DAPK1: variants seen among roughly 807,000 people sequenced by gnomAD.
The protein encoded by DAPK1 is death-associated protein kinase 1.
DAPK1 carries 56 observed loss-of-function variants against 144.9 expected under a neutral mutation model. The ratio of observed to expected loss-of-function variants is 0.39; its 90% CI spans 0.31 to 0.48. DAPK1 has a LOEUF of 0.48. Among genes scored for constraint, DAPK1 ranks in the 20% least tolerant of loss-of-function variants. The pLI is 0.95. For synonymous variants in DAPK1, 690 were observed against 749.0 expected (o/e 0.92, Z 1.29); for missense variants, 1,454 against 1,875.4 (o/e 0.78, Z 4.15).
At chr9:87,566,688 A>G (rs1334353820) in intron 2 of DAPK1, among the ~76,000 whole-genome samples, 2 of 152,240 alleles carry the variant, frequency 1.3e-5, no homozygotes, top group African/African-American at 4.8e-5. Flanking sequence ...TAAATATAAA[A>G]ACAAAATGAA....
chr9:87,647,468 C>T, intron 14 of DAPK1, 65 bp downstream of exon 14: 1 of 1,369,132 alleles, frequency 7.3e-7, no homozygotes, highest in Non-Finnish European at 1.0e-6. Context: ...AGTGTGAGTG[C>T]TGGCCTACCG....
chr9:87,675,680 A>G (rs116624111), intron 19 of DAPK1, among the ~76,000 whole-genome samples: 2,550 of 151,992 alleles, frequency 0.017, 61 homozygotes, highest in African/African-American at 0.058. Context: ...GAGGGACCTG[A>G]TAGGAGGTGA....
intron 2 of DAPK1, among the ~76,000 whole-genome samples, chr9:87,518,092 C>A (rs939606731): frequency 7.9e-6 from 1 of 126,104 alleles, no homozygotes; most frequent in African/African-American, 3.0e-5. Context: ...GAATATTTGC[C>A]GTTTATGTTG....
chr9:87,649,940 A>T lies in DAPK1; in HGVS notation c.1448A>T (p.His483Leu). The T allele has an allele frequency of 6.2e-7, 1 of 1,614,130 alleles. No homozygotes were observed. Among genetic ancestry groups the T allele is most frequent in the Non-Finnish European group, 8.5e-7 (1 of 1,180,026 alleles). ...IQDKEEETPLHCAAWHGYYSV... is the reference protein window; with the variant it reads ...IQDKEEETPLLCAAWHGYYSV... ...GGCCAGGAAGAAGAAACCCCCCTGC[A>T]CTGTGCTGCTTGGCACGGCTATTAC... Residue 483 changes from histidine (H) to leucine (L), a missense_variant, in exon 16 of 26, where the codon CAC becomes CTC. His to Leu is a moderately conservative substitution (Grantham distance 99). Around this residue, in one of 2 missense-constraint regions of DAPK1, gnomAD observed 429 missense variants for 637.5 expected, o/e 0.67. Coordinates refer to ENST00000408954, the MANE Select transcript of DAPK1 (RefSeq NM_004938.4).
Position 87,707,854 on chromosome 9 carries a change from G to A in DAPK1, c.*490G>A. The A allele has an allele frequency of 2.2e-6, 1 of 456,756 alleles. No individual in the cohort carries two copies. The highest frequency in any genetic ancestry group is 4.4e-6 in the Non-Finnish European group (1 of 227,054). 28.3% of individuals were successfully genotyped at this position (456,756 alleles called of 1,614,324 possible). On this transcript the variant is annotated 3_prime_UTR_variant, in exon 26 of 26. Coordinates refer to ENST00000408954, the MANE Select transcript of DAPK1 (RefSeq NM_004938.4). The surrounding 1 kb of genome is among the most constrained non-coding windows in gnomAD (Gnocchi z 4.0). ...ATTTGTAGGAGAAACTCCCATGTAT[G>A]GAATCCCACTGTATGATTTATAAAC...
intron 2 of DAPK1, among the ~76,000 whole-genome samples, chr9:87,579,395 G>T (rs547345796): frequency 6.6e-6 from 1 of 152,232 alleles, no homozygotes; most frequent in South Asian, 2.1e-4. Flanking sequence ...TTAACATCTT[G>T]CAGTCATCCT....
At chr9:87,552,016 T>A (rs1428197913) in intron 2 of DAPK1, among the ~76,000 whole-genome samples, 1 of 152,096 alleles carries the variant, frequency 6.6e-6, no homozygotes, top group Non-Finnish European at 1.5e-5. Flanking sequence ...GAGGAGTCCC[T>A]GTGATAACCA....
intron 2 of DAPK1, among the ~76,000 whole-genome samples, chr9:87,545,444 G>A (rs1031162885): frequency 3.9e-5 from 6 of 152,138 alleles, no homozygotes; most frequent in South Asian, 2.1e-4. Flanking sequence ...AATTTTAGGC[G>A]AACATGGAAG....
rs770675366 is a variant in DAPK1, at chr9:87,639,842, CTCTCT to C, written c.629+36_629+40del. 58 of 1,610,568 alleles carry C rather than the reference CTCTCT, an allele frequency of 3.6e-5. 1 individual carries two copies. The highest frequency in any genetic ancestry group is 3.1e-4 in the African/African-American group (23 of 74,816). On this transcript the variant is annotated intron_variant, in intron 7 of 25. Coordinates refer to ENST00000408954, the MANE Select transcript of DAPK1 (RefSeq NM_004938.4). ...TAAGTATCAGAATTCACAACTCATA[CTCTCT>C]TCTCTTCTATGAGACCATAGGTTTA... is the stretch of plus-strand genomic sequence containing the variant.
At chr9:87,649,609 G>A (rs1483982172) in intron 15 of DAPK1, among the ~76,000 whole-genome samples, 3 of 152,188 alleles carry the variant, frequency 2.0e-5, no homozygotes, top group Admixed American at 6.5e-5. Context: ...AAGCAGGGCC[G>A]ATGGTTTCAA....
At chr9:87,547,072 C>A (rs771721525) in intron 2 of DAPK1, among the ~76,000 whole-genome samples, 1 of 152,122 alleles carries the variant, frequency 6.6e-6, no homozygotes, top group Non-Finnish European at 1.5e-5. Flanking sequence ...TGGGAGGATG[C>A]TTTAAGCCTG....
intron 3 of DAPK1, among the ~76,000 whole-genome samples, chr9:87,627,666 C>T (rs1291027251): frequency 6.6e-6 from 1 of 152,134 alleles, no homozygotes; most frequent in East Asian, 1.9e-4. Context: ...ATTTTTGGCC[C>T]CAGGAATGTC....
chr9:87,665,691 C>T (rs1380611274), intron 18 of DAPK1, among the ~76,000 whole-genome samples: 1 of 152,212 alleles, frequency 6.6e-6, no homozygotes, highest in Non-Finnish European at 1.5e-5. Flanking sequence ...GGGGCTCCGG[C>T]TTCTTGAACA....
chr9:87,561,473 C>T (rs2118657089), intron 2 of DAPK1, among the ~76,000 whole-genome samples: 1 of 152,096 alleles, frequency 6.6e-6, no homozygotes, highest in East Asian at 1.9e-4. Context: ...TTACAGTGAG[C>T]CGAGATGGCA....
In DAPK1 at chr9:87,659,979, C is replaced by T. The variant is rs75571681; in HGVS notation, c.1923+1852C>T. Among the ~76,000 whole-genome samples the T allele has an allele frequency of 3.9e-3, 600 of 152,192 alleles. 7 individuals carry two copies. The highest frequency in any genetic ancestry group is 0.013 in the African/African-American group (548 of 41,540). On this transcript the variant is annotated intron_variant, in intron 18 of 25. Transcript: ENST00000408954. ...GTCAATTACAGTCACTGAATGGGAC[C>T]GCGTGGTGACAGGAAGGAGTGGGTC...
chr9:87,506,508 T>C (rs1404767487), intron 2 of DAPK1, among the ~76,000 whole-genome samples: 2 of 152,230 alleles, frequency 1.3e-5, no homozygotes, highest in South Asian at 2.1e-4. Flanking sequence ...AACACTTTCA[T>C]TGTTATTTAA....
intron 2 of DAPK1, among the ~76,000 whole-genome samples, chr9:87,580,244 G>GTTCC (rs1827704318): frequency 6.6e-6 from 1 of 152,016 alleles, no homozygotes; most frequent in Admixed American, 6.5e-5. Context: ...TTTCCTTTCA[G>GTTCC]TTCCTATTTT....
Position 87,686,687 on chromosome 9 carries a change from G to A in DAPK1, c.2361G>A (p.Ser787=), listed in dbSNP as rs530687414. 56 of 1,613,476 alleles carry A rather than the reference G, an allele frequency of 3.5e-5. No homozygotes were observed. The highest frequency in any genetic ancestry group is 1.7e-4 in the Middle Eastern group (1 of 6,060). ...CCCCGACCCACCACCCGCACTGCTC[G>A]GCCGATGACCAGTCCACCAAGGCCA... The part of the protein sequence containing the change: ...FVAPTHHPHC[S]ADDQSTKAID... Residue 787 remains serine (S), a synonymous_variant, in exon 21 of 26, where the codon TCG becomes TCA. Coordinates refer to ENST00000408954, the MANE Select transcript of DAPK1 (RefSeq NM_004938.4). The surrounding 1 kb of genome is among the most constrained non-coding windows in gnomAD (Gnocchi z 4.2).
intron 2 of DAPK1, among the ~76,000 whole-genome samples, chr9:87,584,664 T>TTGTGTGTGTGTGTGTGTGTGTG (rs113125719): frequency 7.8e-5 from 11 of 140,404 alleles, no homozygotes; most frequent in African/African-American, 2.0e-4. Context: ...TGATAGCTCA[T>TTGTGTGTGTGTGTGTGTGTGTG]TGTGTGTGTG....
Sources: allele counts gnomAD v4.1 joint callset (sites outside exome capture counted in the v4.1 genomes callset), GRCh38; gene constraint gnomAD v4.1.1; regional missense constraint gnomAD v4.1.1; non-coding constraint Gnocchi (gnomAD v3.1); transcripts MANE v1.5; gene names NCBI Gene and HGNC (gene_info 2026-07-23, HGNC 2026-07-21).